The following RANBP3L variants were observed in gnomAD, a reference collection of about 807,000 sequenced individuals.
The protein encoded by RANBP3L is RAN binding protein 3 like, also known as ran-binding protein 3-like.
Under a neutral mutation model 67.2 loss-of-function variants are expected in RANBP3L, and 56 were observed. The observed-to-expected ratio is 0.83, with a 90% CI of 0.67 to 1.04. RANBP3L has a LOEUF of 1.04. Among genes scored for constraint, RANBP3L ranks in the 50% least tolerant of loss-of-function variants. The pLI is 0.00. For synonymous variants in RANBP3L, 164 were observed against 181.4 expected (o/e 0.90, Z 0.77); for missense variants, 496 against 535.5 (o/e 0.93, Z 0.73).
At chr5:36,270,438 C>T (rs1284806298) in intron 2 of RANBP3L, among the ~76,000 whole-genome samples, 3 of 152,112 alleles carry the variant, frequency 2.0e-5, no homozygotes, top group African/African-American at 7.2e-5. Flanking sequence ...GTTAAATTAC[C>T]TGCATGGGTA....
Position 36,301,569 on chromosome 5 carries a change from C to G in RANBP3L, c.-153G>C. 2.0e-6 allele frequency: 1 copy of G among 500,326 alleles called. No homozygotes were observed. Among genetic ancestry groups the G allele is most frequent in the Non-Finnish European group, 3.6e-6 (1 of 278,470 alleles). 31.0% of individuals were successfully genotyped at this position (500,326 alleles called of 1,614,324 possible). A position where few individuals can be genotyped will look rare whatever the true frequency, so the allele number is the denominator to read the frequency against. On this transcript the variant is annotated 5_prime_UTR_variant, in exon 1 of 14. Coordinates refer to ENST00000296604, the MANE Select transcript of RANBP3L (RefSeq NM_145000.5). ...CAACATATACTCCTCTACTAAACTT[C>G]CAAGCTTTTTCCAGTCATGATTCTT...
At chr5:36,285,007 A>G (rs780698162) in intron 1 of RANBP3L, among the ~76,000 whole-genome samples, 1 of 152,206 alleles carries the variant, frequency 6.6e-6, no homozygotes, top group South Asian at 2.1e-4. Context: ...CATGAGTGAA[A>G]GCAGTCTCCG....
chr5:36,288,521 G>C (rs964117929), intron 1 of RANBP3L, among the ~76,000 whole-genome samples: 6 of 151,998 alleles, frequency 3.9e-5, no homozygotes, highest in African/African-American at 1.5e-4. Context: ...TGGATAACAG[G>C]GTACTTTTGG....
chr5:36,299,693 T>A (rs951860332), intron 1 of RANBP3L, among the ~76,000 whole-genome samples: 1 of 152,138 alleles, frequency 6.6e-6, no homozygotes, highest in Non-Finnish European at 1.5e-5. Flanking sequence ...TTAATTATAA[T>A]AGTTAAAATA....
intron 1 of RANBP3L, among the ~76,000 whole-genome samples, chr5:36,289,996 G>T (rs993010562): frequency 1.3e-5 from 2 of 152,186 alleles, no homozygotes; most frequent in African/African-American, 4.8e-5. Flanking sequence ...CTTCTACATC[G>T]AGTAGTGTTA....
chr5:36,274,780 G>A (rs1750459258), intron 1 of RANBP3L, among the ~76,000 whole-genome samples: 1 of 152,070 alleles, frequency 6.6e-6, no homozygotes, highest in African/African-American at 2.4e-5. Context: ...TGGGGGGAAG[G>A]GGCTAAGGGA....
rs1276150693 is a variant in RANBP3L at position 36,247,228 on chromosome 5, A to G, written c.*2426T>C. On this transcript the variant is annotated 3_prime_UTR_variant, in exon 14 of 14. Transcript: ENST00000296604. Reference sequence around the variant, plus strand: ...GGAAAAACTATAAAATGTTTCTACTATTCCTCCAAAATTGTACTAAATATT... The same window carrying G: ...GGAAAAACTATAAAATGTTTCTACTGTTCCTCCAAAATTGTACTAAATATT... 6.6e-6 allele frequency among the ~76,000 whole-genome samples: 1 copy of G among 152,242 alleles called. No individual in the cohort carries two copies. The highest frequency in any genetic ancestry group is 2.4e-5 in the African/African-American group (1 of 41,472).
chr5:36,291,354 TTTTTTA>T (rs1041093197), intron 1 of RANBP3L, among the ~76,000 whole-genome samples: 38 of 151,220 alleles, frequency 2.5e-4, no homozygotes, highest in African/African-American at 9.0e-4. Flanking sequence ...AATTTTTTAT[TTTTTTA>T]TTTTTATTTT....
At chr5:36,280,216 A>G (rs149689889) in intron 1 of RANBP3L, among the ~76,000 whole-genome samples, 2 of 152,342 alleles carry the variant, frequency 1.3e-5, no homozygotes, top group East Asian at 3.9e-4. Context: ...TCTAATGTGA[A>G]CAAGAGGCAA....
At position 36,301,396 on chromosome 5, in the gene RANBP3L, T is replaced by G; in HGVS notation, c.21A>C (p.Lys7Asn). The G allele has an allele frequency of 1.2e-6, 2 of 1,613,476 alleles. No individual in the cohort carries two copies. Among genetic ancestry groups the G allele is most frequent in the Non-Finnish European group, 1.7e-6 (2 of 1,179,654 alleles). The change falls in exon 1 of 14, where the codon AAA becomes AAC. Residue 7 changes from lysine (K) to asparagine (N), a missense_variant. Lys to Asn is a moderately conservative substitution (Grantham distance 94). Transcript: ENST00000296604. Reference protein sequence around the residue: MTTIPRKGSSHLPGSLH... With the variant: MTTIPRNGSSHLPGSLH... ...AACTGCCAGGCAGGTGGCTGCTGCC[T>G]TTTCTTGGTATGGTAGTCATGGTCC...
intron 10 of RANBP3L, among the ~76,000 whole-genome samples, chr5:36,256,342 G>C (rs2111677998): frequency 6.6e-6 from 1 of 152,212 alleles, no homozygotes; most frequent in South Asian, 2.1e-4. Flanking sequence ...AGAGAGTTTA[G>C]AGAAAAGCAG....
At position 36,284,047 on chromosome 5, in the gene RANBP3L, G is replaced by C. The variant is rs538501958; in HGVS notation, c.92-12736C>G. ...TGCCCAGGCTGGAGTGCAATGGCAC[G>C]ATCTTGGCTCACCACAACCTCCACC... is the stretch of plus-strand genomic sequence containing the variant. On this transcript the variant is annotated intron_variant, in intron 1 of 13. Coordinates refer to ENST00000296604, the MANE Select transcript of RANBP3L (RefSeq NM_145000.5). 2.6e-5 allele frequency among the ~76,000 whole-genome samples: 4 copies of C among 151,448 alleles called. No homozygotes were observed. The South Asian group carries it at 8.3e-4, about 32-fold the overall frequency.
chr5:36,276,947 G>A (rs1286772932), intron 1 of RANBP3L, among the ~76,000 whole-genome samples: 1 of 152,150 alleles, frequency 6.6e-6, no homozygotes, highest in Non-Finnish European at 1.5e-5. Context: ...TTTCCACTTG[G>A]TAGTGTAGTA....
At chr5:36,299,445 G>C (rs958929) in intron 1 of RANBP3L, among the ~76,000 whole-genome samples, 113,090 of 151,392 alleles carry the variant, frequency 0.75, 43,072 homozygotes, top group African/African-American at 0.88. Flanking sequence ...GGATAGCCTG[G>C]CTTAAAACAA....
At chr5:36,281,940 G>A (rs1181450522) in intron 1 of RANBP3L, among the ~76,000 whole-genome samples, 2 of 152,152 alleles carry the variant, frequency 1.3e-5, no homozygotes, top group African/African-American at 4.8e-5. Flanking sequence ...TACTTGCAAT[G>A]TTTACTTGAA....
In RANBP3L at chr5:36,247,451, T is replaced by G. The variant is rs181035536; in HGVS notation, c.*2203A>C. 1.3e-5 allele frequency among the ~76,000 whole-genome samples: 2 copies of G among 152,368 alleles called. No individual in the cohort carries two copies. Among genetic ancestry groups the G allele is most frequent in the East Asian group, 3.9e-4 (2 of 5,192 alleles). On this transcript the variant is annotated 3_prime_UTR_variant, in exon 14 of 14. Transcript: ENST00000296604. ...TTTCTATATAGATGAGAAATTAAGA[T>G]AGTTAATTTTTTCCATTGATATATG...
chr5:36,274,624 A>C (rs1228758644), intron 1 of RANBP3L, among the ~76,000 whole-genome samples: 2 of 152,208 alleles, frequency 1.3e-5, no homozygotes, highest in Non-Finnish European at 2.9e-5. Context: ...GGAGCTTTGC[A>C]AGGCCTTGCA....
chr5:36,281,885 A>C (rs1165237618), intron 1 of RANBP3L, among the ~76,000 whole-genome samples: 4 of 152,216 alleles, frequency 2.6e-5, no homozygotes, highest in Non-Finnish European at 5.9e-5. Flanking sequence ...TGAAGGCGTT[A>C]CTTTGTCTAT....
At chr5:36,256,842 C>G in intron 10 of RANBP3L, 99 bp downstream of exon 10, 1 of 1,139,976 alleles carries the variant, frequency 8.8e-7, no homozygotes, top group Non-Finnish European at 1.3e-6. Context: ...TCCATGAAAA[C>G]TATACTTCTG....
Sources: gnomAD v4.1 joint callset for allele counts (sites outside exome capture counted in the v4.1 genomes callset) on GRCh38, gnomAD v4.1.1 for gene constraint, MANE v1.5 for transcripts, NCBI Gene and HGNC (gene_info 2026-07-23, HGNC 2026-07-21) for gene names.